Variants in FMNL2 observed in about 807,000 individuals in gnomAD.
The protein encoded by FMNL2 is formin-like protein 2.
A neutral mutation model predicts 130.2 loss-of-function variants in FMNL2; 51 were observed. That is an observed-to-expected ratio of 0.39 (90% CI 0.31 to 0.49). The LOEUF (loss-of-function observed/expected upper bound fraction) is 0.49. Ranked by LOEUF, FMNL2 falls within the 20% of genes least tolerant of loss-of-function variation. FMNL2 has a pLI of 0.85. For synonymous variants in FMNL2, 465 were observed against 467.1 expected (o/e 1.00, Z 0.06); for missense variants, 977 against 1,316.2 (o/e 0.74, Z 3.99).
intron 6 of FMNL2, among the ~76,000 whole-genome samples, chr2:152,573,876 G>A (rs185714900): frequency 1.1e-4 from 17 of 152,230 alleles, no homozygotes; most frequent in Non-Finnish European, 2.2e-4. Flanking sequence ...TAATAAGTAT[G>A]TATGTGTTAT....
chr2:152,361,958 AG>A (rs1683205991), intron 1 of FMNL2, among the ~76,000 whole-genome samples: 4 of 152,196 alleles, frequency 2.6e-5, no homozygotes, highest in Admixed American at 2.6e-4. Context: ...TTTTCCCATT[AG>A]TACACATAAT....
At chr2:152,623,594 G>GCAGGCAGC (rs1306120117) in intron 15 of FMNL2, among the ~76,000 whole-genome samples, 1 of 152,134 alleles carries the variant, frequency 6.6e-6, no homozygotes, top group Non-Finnish European at 1.5e-5. Flanking sequence ...AGGCAGGCAG[G>GCAGGCAGC]CAGGCAGCCA....
chr2:152,474,110 C>T (rs1690012413), intron 1 of FMNL2, among the ~76,000 whole-genome samples: 1 of 152,130 alleles, frequency 6.6e-6, no homozygotes, highest in Non-Finnish European at 1.5e-5. Context: ...CTCCTGGCCT[C>T]AAGTGATCTG....
intron 21 of FMNL2, among the ~76,000 whole-genome samples, chr2:152,635,403 C>A (rs1326110719): frequency 6.6e-6 from 1 of 152,182 alleles, no homozygotes; most frequent in African/African-American, 2.4e-5. Flanking sequence ...GCTTTACAAC[C>A]CGTTTTGAAC....
chr2:152,570,706 A>G (rs949521516), intron 6 of FMNL2, among the ~76,000 whole-genome samples: 1 of 152,110 alleles, frequency 6.6e-6, no homozygotes, highest in Admixed American at 6.5e-5. Context: ...TCCCCAAGTC[A>G]CCAGAGAGAC....
At chr2:152,371,375 C>T (rs901144968) in intron 1 of FMNL2, among the ~76,000 whole-genome samples, 2 of 150,936 alleles carry the variant, frequency 1.3e-5, no homozygotes, top group Non-Finnish European at 2.9e-5. Context: ...AAACTCATGT[C>T]GAAATGTAAT....
At chr2:152,354,036 A>ATAT (rs3841082) in intron 1 of FMNL2, among the ~76,000 whole-genome samples, 116,497 of 151,636 alleles carry the variant, frequency 0.77, 45,790 homozygotes, top group Admixed American at 0.86. Flanking sequence ...CCCCACTTGG[A>ATAT]TTTATGTTGA....
At chr2:152,347,073 AG>A (rs1324428062) in intron 1 of FMNL2, among the ~76,000 whole-genome samples, 8 of 124,406 alleles carry the variant, frequency 6.4e-5, no homozygotes, top group Non-Finnish European at 3.9e-5. Flanking sequence ...TCTGGGTGAC[AG>A]GGCGATATTC....
chr2:152,622,479 ACT>A, intron 15 of FMNL2: 5 of 456,560 alleles, frequency 1.1e-5, no homozygotes, highest in Non-Finnish European at 1.8e-5. Context: ...GAGCCACTTG[ACT>A]CTAACCATAT....
chr2:152,560,820 T>G, intron 5 of FMNL2, 63 bp from the exon 6 acceptor site: 1 of 1,491,390 alleles, frequency 6.7e-7, no homozygotes, highest in Non-Finnish European at 9.1e-7. Context: ...AAGTTATACA[T>G]GTTCGTTTAT....
intron 1 of FMNL2, among the ~76,000 whole-genome samples, chr2:152,502,234 C>A (rs1691882330): frequency 6.6e-6 from 1 of 152,184 alleles, no homozygotes; most frequent in Admixed American, 6.5e-5. Context: ...CTAGGTACAA[C>A]CCTGTTGGAA....
chr2:152,542,637 C>T (rs1388881776), intron 2 of FMNL2, 102 bp from the exon 3 acceptor site: 6 of 1,104,342 alleles, frequency 5.4e-6, no homozygotes, highest in Non-Finnish European at 5.5e-6. Context: ...CACATTTATA[C>T]TGTGGATGCA....
intron 2 of FMNL2, 73 bp from the exon 3 acceptor site, chr2:152,542,666 A>G (rs1303847925): frequency 1.3e-6 from 2 of 1,488,526 alleles, no homozygotes; most frequent in Non-Finnish European, 1.9e-6. Flanking sequence ...ATATTTTGGT[A>G]ACATAATCTG....
At chr2:152,561,156 A>G (rs1558965158) in intron 6 of FMNL2, 121 bp downstream of exon 6, 2 of 983,126 alleles carry the variant, frequency 2.0e-6, no homozygotes, top group South Asian at 1.9e-5. Context: ...TTCATTTGCA[A>G]TGACTCTAAA....
chr2:152,566,632 G>T (rs1695854984), intron 6 of FMNL2, among the ~76,000 whole-genome samples: 2 of 152,158 alleles, frequency 1.3e-5, no homozygotes, highest in Non-Finnish European at 2.9e-5. Context: ...CTTGCCAAGG[G>T]TTAAGGATAC....
intron 2 of FMNL2, among the ~76,000 whole-genome samples, chr2:152,533,059 C>T (rs1693796273): frequency 6.6e-6 from 1 of 152,148 alleles, no homozygotes; most frequent in Non-Finnish European, 1.5e-5. Flanking sequence ...ATAGTATTTT[C>T]TGAAGAACAA....
intron 1 of FMNL2, among the ~76,000 whole-genome samples, chr2:152,422,881 T>C (rs1251231488): frequency 1.3e-5 from 2 of 152,286 alleles, no homozygotes; most frequent in East Asian, 3.9e-4. Context: ...CACAATCTAA[T>C]TTGGAAATAC....
At chr2:152,478,155 T>C (rs1690259733) in intron 1 of FMNL2, among the ~76,000 whole-genome samples, 2 of 151,122 alleles carry the variant, frequency 1.3e-5, no homozygotes, top group South Asian at 4.2e-4. Flanking sequence ...TCCAGGGGAC[T>C]TTGAGAACTT....
At chr2:152,643,577 C>G in intron 25 of FMNL2, 1 of 1,530,336 alleles carries the variant, frequency 6.5e-7, no homozygotes, top group Admixed American at 2.0e-5. Flanking sequence ...CTTATGTCCC[C>G]CTCTGTGTGT....
Sources: gnomAD v4.1 joint callset for allele counts (sites outside exome capture counted in the v4.1 genomes callset) on GRCh38, gnomAD v4.1.1 for gene constraint, MANE v1.5 for transcripts, NCBI Gene and HGNC (gene_info 2026-07-23, HGNC 2026-07-21) for gene names.